CNTN6: variants seen among roughly 807,000 people sequenced by gnomAD.
CNTN6 encodes contactin 6.
Under a neutral mutation model 122.8 loss-of-function variants are expected in CNTN6, and 137 were observed. That is an observed-to-expected ratio of 1.12 (90% CI 0.97 to 1.29). CNTN6 has a LOEUF of 1.29. Among genes scored for constraint, CNTN6 ranks in the 50% most tolerant of loss-of-function variants. The probability of loss-of-function intolerance (pLI) is 0.00; values close to 1 mark genes in which losing one functional copy is unlikely to be tolerated. For missense variants in CNTN6, 1,634 were observed against 1,223.4 expected, an observed-to-expected ratio of 1.34 and a Z score of -5.01; for synonymous variants, 570 against 426.0, an observed-to-expected ratio of 1.34 and a Z score of -4.16.
intron 2 of CNTN6, among the ~76,000 whole-genome samples, chr3:1,172,048 C>T (rs1009063286): frequency 2.0e-5 from 3 of 152,142 alleles, no homozygotes; most frequent in Admixed American, 6.5e-5. Flanking sequence ...TAACTCCTAT[C>T]CCTCTCCCAT....
intron 17 of CNTN6, among the ~76,000 whole-genome samples, chr3:1,381,890 G>C (rs374021502): frequency 1.7e-4 from 26 of 152,200 alleles, no homozygotes; most frequent in African/African-American, 6.3e-4. Context: ...CAGAGATTCT[G>C]CCCTCATAGA....
At chr3:1,370,885 A>G (rs911258840) in intron 12 of CNTN6, among the ~76,000 whole-genome samples, 3 of 152,074 alleles carry the variant, frequency 2.0e-5, no homozygotes. Context: ...AAGTACATGC[A>G]TCTAATATAA....
intron 1 of CNTN6, among the ~76,000 whole-genome samples, chr3:1,102,883 G>A (rs1013035451): frequency 3.3e-5 from 5 of 150,882 alleles, no homozygotes; most frequent in African/African-American, 9.7e-5. Flanking sequence ...CGAGGCGGGC[G>A]GATCACGAGA....
At chr3:1,252,798 T>C (rs2094691751) in intron 4 of CNTN6, among the ~76,000 whole-genome samples, 1 of 152,092 alleles carries the variant, frequency 6.6e-6, no homozygotes, top group Non-Finnish European at 1.5e-5. Context: ...TTCCTGCCAA[T>C]ATGACCTAGA....
At chr3:1,151,990 GA>G (rs531106967) in intron 2 of CNTN6, among the ~76,000 whole-genome samples, 2 of 151,794 alleles carry the variant, frequency 1.3e-5, no homozygotes, top group Non-Finnish European at 2.9e-5. Context: ...TCTTAAAGTA[GA>G]AAAAATATGT....
chr3:1,386,815 G>T (rs555887549), intron 20 of CNTN6, among the ~76,000 whole-genome samples: 13 of 142,900 alleles, frequency 9.1e-5, no homozygotes, highest in Non-Finnish European at 1.9e-4. Context: ...TATACATGCC[G>T]TAGTCTAATT....
chr3:1,360,749 A>G (rs146216156), intron 12 of CNTN6, among the ~76,000 whole-genome samples: 67 of 152,024 alleles, frequency 4.4e-4, no homozygotes, highest in East Asian at 4.1e-3. Context: ...TTTCTCTTCA[A>G]TCCCCAAATT....
chr3:1,240,720 G>GA (rs979836407), intron 4 of CNTN6, among the ~76,000 whole-genome samples: 1 of 147,344 alleles, frequency 6.8e-6, no homozygotes. Context: ...AAAAAAAAAA[G>GA]AAAAAAAAGA....
chr3:1,147,693 A>G (rs537612181), intron 1 of CNTN6, among the ~76,000 whole-genome samples: 77 of 152,222 alleles, frequency 5.1e-4, no homozygotes, highest in Non-Finnish European at 9.6e-4. Context: ...CTCTTGTGAT[A>G]TTAGGACAAA....
chr3:1,352,175 AC>A lies in CNTN6; in HGVS notation c.1365-148del, dbSNP rs368710891. On this transcript the variant is annotated intron_variant, in intron 11 of 22. Coordinates refer to ENST00000446702, the MANE Select transcript of CNTN6 (RefSeq NM_001289080.2). Reference sequence around the variant, plus strand: ...TAATATGTAGACTCAGAGATAGCTCACAATGAAGAACAGAATAATAGGAAAG... The same window carrying A: ...TAATATGTAGACTCAGAGATAGCTCAAATGAAGAACAGAATAATAGGAAAG... 1.4e-4 allele frequency: 82 copies of A among 566,198 alleles called. No individual in the cohort carries two copies. The African/African-American group carries it at 1.5e-3, about 10-fold the overall frequency. The allele number at this position is 566,198 out of a possible 1,614,324, so 35.1% of individuals were successfully genotyped here. A position where few individuals can be genotyped will look rare whatever the true frequency, so the allele number is the denominator to read the frequency against.
rs80244652 is a variant in CNTN6 at position 1,250,520 on chromosome 3, A to G, written c.358+22527A>G. On this transcript the variant is annotated intron_variant, in intron 4 of 22. Coordinates refer to ENST00000446702, the MANE Select transcript of CNTN6 (RefSeq NM_001289080.2). ...ACTCAAAACACACATCCTCACTCCCATATTTGCCTTGACATCACCATCTCT... is the reference window on the plus strand; with the variant it reads ...ACTCAAAACACACATCCTCACTCCCGTATTTGCCTTGACATCACCATCTCT... 8.1e-3 allele frequency among the ~76,000 whole-genome samples: 1,232 copies of G among 152,230 alleles called. 16 individuals carry two copies. The highest frequency in any genetic ancestry group is 0.027 in the African/African-American group (1,119 of 41,522).
intron 11 of CNTN6, among the ~76,000 whole-genome samples, chr3:1,345,745 A>C (rs1704590566): frequency 6.6e-6 from 1 of 152,126 alleles, no homozygotes; most frequent in African/African-American, 2.4e-5. Context: ...TAAAACTTAA[A>C]TTGTGAACAG....
At chr3:1,373,858 A>C in intron 15 of CNTN6, 66 bp from the exon 16 acceptor site, 1 of 1,480,528 alleles carries the variant, frequency 6.8e-7, no homozygotes, top group East Asian at 2.5e-5. Flanking sequence ...TAATTATATA[A>C]TTTTGTACAA....
chr3:1,102,613 A>C (rs1335257295), intron 1 of CNTN6, among the ~76,000 whole-genome samples: 1 of 149,822 alleles, frequency 6.7e-6, no homozygotes, highest in Non-Finnish European at 1.5e-5. Context: ...CTGTAGTCCC[A>C]GCTACTCGGG....
In CNTN6 at chr3:1,105,112, G is replaced by A. The variant is rs1200696379; in HGVS notation, c.-83+11992G>A. 3.3e-5 allele frequency among the ~76,000 whole-genome samples: 5 copies of A among 152,090 alleles called. No homozygotes were observed. The East Asian group carries it at 7.7e-4, about 23-fold the overall frequency. ...TGTATATTACTAAATTGTCCTTTAG[G>A]AAGACAACTCCCTCTGTACTTGCAG... On this transcript the variant is annotated intron_variant, in intron 1 of 22. Coordinates refer to ENST00000446702, the MANE Select transcript of CNTN6 (RefSeq NM_001289080.2).
chr3:1,266,916 C>T (rs1249488411), intron 4 of CNTN6, among the ~76,000 whole-genome samples: 2 of 150,772 alleles, frequency 1.3e-5, no homozygotes, highest in Non-Finnish European at 2.9e-5. Flanking sequence ...CAGACTCCCT[C>T]AGACCTCTGG....
At chr3:1,377,951 G>A (rs1710121369) in intron 17 of CNTN6, among the ~76,000 whole-genome samples, 1 of 152,002 alleles carries the variant, frequency 6.6e-6, no homozygotes, top group African/African-American at 2.4e-5. Flanking sequence ...TTTTTATCTG[G>A]GAGATGGCCA....
At chr3:1,096,090 A>G (rs1052794249) in intron 1 of CNTN6, among the ~76,000 whole-genome samples, 4 of 152,190 alleles carry the variant, frequency 2.6e-5, no homozygotes, top group African/African-American at 7.2e-5. Flanking sequence ...TCTTTCTTGG[A>G]TCAAGCTTAA....
intron 4 of CNTN6, among the ~76,000 whole-genome samples, chr3:1,268,051 A>C (rs1463337161): frequency 6.6e-6 from 1 of 152,242 alleles, no homozygotes; most frequent in Non-Finnish European, 1.5e-5. Context: ...ATTGCCCCAA[A>C]GAAATCTCTT....
Sources: allele counts gnomAD v4.1 joint callset (sites outside exome capture counted in the v4.1 genomes callset), GRCh38; gene constraint gnomAD v4.1.1; transcripts MANE v1.5; gene names NCBI Gene and HGNC (gene_info 2026-07-23, HGNC 2026-07-21).